SLC35F4: variants seen among roughly 807,000 people sequenced by gnomAD.
SLC35F4 encodes solute carrier family 35 member F4.
In SLC35F4, 24 loss-of-function variants were observed where a neutral mutation model predicts 44.2. The observed-to-expected ratio is 0.54, with a 90% confidence interval of 0.39 to 0.76. SLC35F4 has a LOEUF of 0.76. Ranked by LOEUF, SLC35F4 falls within the 30% of genes least tolerant of loss-of-function variation. The probability of loss-of-function intolerance (pLI) is 0.00; values close to 1 mark genes in which losing one functional copy is unlikely to be tolerated. For synonymous variants in SLC35F4, 238 were observed against 223.6 expected, an observed-to-expected ratio of 1.06 and a Z score of -0.57; for missense variants, 562 against 586.1, an observed-to-expected ratio of 0.96 and a Z score of 0.42.
At chr14:57,742,757 C>G (rs1022602548) in intron 1 of SLC35F4, among the ~76,000 whole-genome samples, 5 of 152,214 alleles carry the variant, frequency 3.3e-5, no homozygotes, top group African/African-American at 9.7e-5. Context: ...CACCCCAAAT[C>G]AACAGAACAT....
chr14:57,965,403 C>G (rs915421705), intron 1 of SLC35F4, among the ~76,000 whole-genome samples: 1 of 152,096 alleles, frequency 6.6e-6, no homozygotes, highest in African/African-American at 2.4e-5. Context: ...CCAGATAACC[C>G]AGGATAACCT....
intron 4 of SLC35F4, among the ~76,000 whole-genome samples, chr14:57,574,500 G>C (rs918247826): frequency 1.9e-4 from 29 of 152,132 alleles, no homozygotes; most frequent in African/African-American, 7.0e-4. Flanking sequence ...AATTCTCCAT[G>C]ACATGAGCAG....
chr14:57,900,314 G>C (rs1036963249), intron 1 of SLC35F4, among the ~76,000 whole-genome samples: 5 of 152,178 alleles, frequency 3.3e-5, no homozygotes, highest in East Asian at 3.9e-4. Flanking sequence ...AACATCCGAG[G>C]ATTCTTTCTG....
intron 1 of SLC35F4, among the ~76,000 whole-genome samples, chr14:57,717,796 A>G (rs900496795): frequency 6.6e-6 from 1 of 152,232 alleles, no homozygotes; most frequent in Non-Finnish European, 1.5e-5. Context: ...TGCAATGTGT[A>G]ATAATCATAA....
Position 57,566,455 on chromosome 14 carries a change from A to G in SLC35F4, c.1216+20T>C. The stretch of plus-strand genomic sequence containing the variant: ...GACTTGTAGTGGCCAGGATCTGCAC[A>G]TGTCACATGGTGCCTGTACCTGCAT... On this transcript the variant is annotated intron_variant, in intron 7 of 7. Transcript: ENST00000556826. The G allele has an allele frequency of 1.3e-6, 2 of 1,573,518 alleles. No individual in the cohort carries two copies. Among genetic ancestry groups the G allele is most frequent in the Non-Finnish European group, 1.7e-6 (2 of 1,158,486 alleles).
intron 1 of SLC35F4, among the ~76,000 whole-genome samples, chr14:57,857,843 G>A (rs1342486347): frequency 6.6e-6 from 1 of 152,040 alleles, no homozygotes; most frequent in Admixed American, 6.5e-5. Context: ...TGATGAAGGA[G>A]ACAGAGAGGG....
intron 1 of SLC35F4, among the ~76,000 whole-genome samples, chr14:57,828,927 C>T (rs1207682686): frequency 3.3e-5 from 5 of 152,192 alleles, no homozygotes; most frequent in Non-Finnish European, 7.3e-5. Flanking sequence ...ACTTTTTAGC[C>T]ATGTTACACA....
chr14:57,759,886 T>C (rs1369273754), intron 1 of SLC35F4, among the ~76,000 whole-genome samples: 2 of 151,842 alleles, frequency 1.3e-5, no homozygotes, highest in African/African-American at 4.8e-5. Context: ...GCTTGTTTTT[T>C]TTTTTTGTTT....
chr14:57,616,665 C>T (rs1236801287), intron 1 of SLC35F4, among the ~76,000 whole-genome samples: 2 of 152,218 alleles, frequency 1.3e-5, no homozygotes, highest in Non-Finnish European at 2.9e-5. Flanking sequence ...CCATCACTGC[C>T]TGTTTACTTT....
intron 1 of SLC35F4, among the ~76,000 whole-genome samples, chr14:57,955,155 C>T (rs1393286440): frequency 6.6e-6 from 1 of 152,022 alleles, no homozygotes; most frequent in African/African-American, 2.4e-5. Flanking sequence ...AATCAACAAA[C>T]ATAATCCATC....
intron 6 of SLC35F4, among the ~76,000 whole-genome samples, chr14:57,567,962 T>A (rs1309041134): frequency 6.6e-6 from 1 of 152,246 alleles, no homozygotes; most frequent in East Asian, 1.9e-4. Flanking sequence ...TGCAGATTGA[T>A]GTGTATCTCT....
intron 1 of SLC35F4, among the ~76,000 whole-genome samples, chr14:57,884,741 T>C (rs1192127903): frequency 6.6e-6 from 1 of 152,156 alleles, no homozygotes; most frequent in East Asian, 1.9e-4. Flanking sequence ...TTATAGATGT[T>C]ATTATGACTA....
In SLC35F4 at chr14:57,616,894, C is replaced by T. The variant is rs191935416; in HGVS notation, c.104-22770G>A. Reference sequence around the variant, plus strand: ...CTGGCTATAGCTGACTAAACCTTAGCCCCTCTTCTTCCTCGCCCCATCCCC... The same window carrying T: ...CTGGCTATAGCTGACTAAACCTTAGTCCCTCTTCTTCCTCGCCCCATCCCC... On this transcript the variant is annotated intron_variant, in intron 1 of 7. Transcript: ENST00000556826. Among the ~76,000 whole-genome samples the T allele has an allele frequency of 7.9e-3, 1,202 of 152,178 alleles. 13 individuals are homozygous for T. Among genetic ancestry groups the T allele is most frequent in the Non-Finnish European group, 0.012 (812 of 68,006 alleles).
intron 1 of SLC35F4, among the ~76,000 whole-genome samples, chr14:57,977,468 C>A (rs1881251984): frequency 6.6e-6 from 1 of 152,204 alleles, no homozygotes; most frequent in Non-Finnish European, 1.5e-5. Context: ...GAGGAAAAAA[C>A]CCTCCTGGAG....
Position 57,865,872 on chromosome 14 carries a change from A to C in SLC35F4, c.-47T>G. On this transcript the variant is annotated 5_prime_UTR_variant, in exon 1 of 8. Transcript: ENST00000556826. ...CCGAGTGCGGCGGGGCGGAGAGCGC[A>C]GCGCGGGGCCCGGGAGCTGGTGCAG... 7.2e-7 allele frequency: 1 copy of C among 1,382,594 alleles called. No individual in the cohort carries two copies. The highest frequency in any genetic ancestry group is 2.4e-5 in the Admixed American group (1 of 41,674). 85.6% of individuals were successfully genotyped at this position (1,382,594 alleles called of 1,614,324 possible).
At chr14:57,637,777 C>A (rs1231350801) in intron 1 of SLC35F4, among the ~76,000 whole-genome samples, 1 of 152,052 alleles carries the variant, frequency 6.6e-6, no homozygotes, top group Non-Finnish European at 1.5e-5. Flanking sequence ...CATATGAGAA[C>A]TGAAAATAAA....
chr14:57,655,295 T>C (rs1350967870), intron 1 of SLC35F4, among the ~76,000 whole-genome samples: 4 of 152,116 alleles, frequency 2.6e-5, no homozygotes, highest in African/African-American at 7.2e-5. Flanking sequence ...ATGCTCTGTT[T>C]GGGGAGGTGG....
At chr14:57,904,349 G>T (rs920808384) in intron 1 of SLC35F4, among the ~76,000 whole-genome samples, 3 of 152,130 alleles carry the variant, frequency 2.0e-5, no homozygotes, top group Non-Finnish European at 4.4e-5. Flanking sequence ...ATGAAAATTT[G>T]GACAGTTTTG....
At chr14:57,753,899 T>C (rs913139122) in intron 1 of SLC35F4, among the ~76,000 whole-genome samples, 3 of 152,066 alleles carry the variant, frequency 2.0e-5, no homozygotes, top group African/African-American at 7.2e-5. Flanking sequence ...TTCTATATGA[T>C]TGGTGTCTGA....
Sources: gnomAD v4.1 joint callset for allele counts (sites outside exome capture counted in the v4.1 genomes callset) on GRCh38, gnomAD v4.1.1 for gene constraint, MANE v1.5 for transcripts, NCBI Gene and HGNC (gene_info 2026-07-23, HGNC 2026-07-21) for gene names.